Variants in PRR14L observed in about 807,000 individuals in gnomAD.
The protein encoded by PRR14L is protein PRR14L.
In PRR14L, 80 loss-of-function variants were observed where a neutral mutation model predicts 155.0. The ratio of observed to expected loss-of-function variants is 0.52; its 90% CI spans 0.43 to 0.62. PRR14L has a LOEUF of 0.62. PRR14L is among the 20% of genes least tolerant of loss of function. PRR14L has a pLI of 0.00. For missense variants in PRR14L, 2,469 were observed against 2,548.0 expected, an observed-to-expected ratio of 0.97 and a Z score of 0.67; for synonymous variants, 883 against 916.0, an observed-to-expected ratio of 0.96 and a Z score of 0.65.
intron 1 of PRR14L, among the ~76,000 whole-genome samples, 166 bp from the exon 2 acceptor site, chr22:31,739,077 C>T (rs2074798597): frequency 6.6e-6 from 1 of 152,194 alleles, no homozygotes; most frequent in Admixed American, 6.5e-5. Flanking sequence ...AAAATAAATA[C>T]CTTAACCTTT....
chr22:31,688,121 T>C (rs2074491723), intron 8 of PRR14L, 35 bp downstream of exon 8: 4 of 1,578,372 alleles, frequency 2.5e-6, no homozygotes, highest in Non-Finnish European at 3.5e-6. Flanking sequence ...TCATTTCAAA[T>C]TCTTCCCTTT....
In PRR14L at chr22:31,703,715, C is replaced by T; in HGVS notation, c.5835G>A (p.Glu1945=). The T allele has an allele frequency of 1.3e-6, 2 of 1,584,852 alleles. No homozygotes were observed. Among genetic ancestry groups the T allele is most frequent in the East Asian group, 2.3e-5 (1 of 43,914 alleles). The change falls in exon 6 of 9, where the codon GAG becomes GAA. Residue 1945 remains glutamate (E), a synonymous_variant. Transcript: ENST00000327423. ...TTGGTACCAAGGCAGGGAATGGAGG[C>T]TCCAGCCTAGCACCATGAAGAGAAA... ...YNTSGSQTRL[E]PPFPALVPKS...
intron 7 of PRR14L, among the ~76,000 whole-genome samples, chr22:31,697,456 AAG>A: frequency 6.6e-6 from 1 of 152,200 alleles, no homozygotes; most frequent in South Asian, 2.1e-4. Context: ...TTACTTAGGA[AAG>A]AGAGCTTCAA....
At position 31,738,450 on chromosome 22, in the gene PRR14L, C is replaced by T. The variant is rs1190113548; in HGVS notation, c.411G>A (p.Glu137=). The T allele has an allele frequency of 6.4e-7, 1 of 1,552,232 alleles. No individual in the cohort carries two copies. Among genetic ancestry groups the T allele is most frequent in the African/African-American group, 1.4e-5 (1 of 73,046 alleles). The change falls in exon 2 of 9, where the codon GAG becomes GAA. Residue 137 remains glutamate, a synonymous_variant. Transcript: ENST00000327423. The part of the protein sequence containing the change: ...GQAGIIREPS[E]GAKEDPHQHS... ...GTTGATGTGGATCTTCCTTTGCTCC[C>T]TCAGAGGGTTCTCTTATAATTCCTG...
intron 2 of PRR14L, among the ~76,000 whole-genome samples, chr22:31,737,616 T>C (rs1355171038): frequency 6.6e-6 from 1 of 150,804 alleles, no homozygotes; most frequent in African/African-American, 2.4e-5. Flanking sequence ...ACTAAGACCC[T>C]GCCTCTATTA....
intron 3 of PRR14L, among the ~76,000 whole-genome samples, chr22:31,723,213 G>A (rs1393589965): frequency 1.3e-5 from 2 of 151,952 alleles, no homozygotes; most frequent in Non-Finnish European, 2.9e-5. Context: ...TGGGTTTGGG[G>A]GAGAAAAAAA....
chr22:31,712,907 A>T lies in PRR14L; in HGVS notation c.4932T>A (p.Leu1644=), dbSNP rs1366358833. 3.9e-6 allele frequency: 6 copies of T among 1,551,752 alleles called. No individual in the cohort carries two copies. Among genetic ancestry groups the T allele is most frequent in the Admixed American group, 3.9e-5 (2 of 50,984 alleles). ...GCTTGTAGCTTTTAGCCATTGGAAG[A>T]AGTTCAGAGGAACACCGTCGGTATC... ...KLRYRRCSSE[L]LPMAKSYKRL... The change falls in exon 4 of 9, where the codon CTT becomes CTA. Residue 1644 remains leucine (L), a synonymous_variant. Coordinates refer to ENST00000327423, the MANE Select transcript of PRR14L (RefSeq NM_173566.3).
rs966977685 is a variant in PRR14L, at chr22:31,749,986, C to T, written c.-52+7G>A. On this transcript the variant is annotated splice_region_variant and intron_variant, in intron 1 of 8. Transcript: ENST00000327423. ...ACGCCCGAAGCCTTCCAGTCCCGGC[C>T]TCTTACCCTGAGACCTCCTCCGCGG... The T allele has an allele frequency of 6.5e-5, 10 of 153,574 alleles. No individual in the cohort carries two copies. Among genetic ancestry groups the T allele is most frequent in the Non-Finnish European group, 7.2e-5 (5 of 69,088 alleles). The allele number at this position is 153,574 out of a possible 1,614,324, so 9.5% of individuals were successfully genotyped here.
chr22:31,702,710 T>A (rs2074568787), intron 6 of PRR14L, among the ~76,000 whole-genome samples: 1 of 152,082 alleles, frequency 6.6e-6, no homozygotes. Flanking sequence ...GAGATGGGGT[T>A]TCACCATACT....
At chr22:31,719,453 C>G (rs988594012) in intron 3 of PRR14L, among the ~76,000 whole-genome samples, 2 of 151,822 alleles carry the variant, frequency 1.3e-5, no homozygotes, top group African/African-American at 4.8e-5. Flanking sequence ...AATCTAAAAT[C>G]TAATTCTTAC....
chr22:31,700,313 C>G, intron 7 of PRR14L, among the ~76,000 whole-genome samples: 1 of 152,240 alleles, frequency 6.6e-6, no homozygotes, highest in East Asian at 1.9e-4. Flanking sequence ...ATAATGAATC[C>G]TATTTCATTC....
rs112600429 is a variant in PRR14L, at chr22:31,724,215, G to A, written c.547+1323C>T. Among the ~76,000 whole-genome samples the A allele has an allele frequency of 8.7e-3, 1,326 of 152,250 alleles. 18 individuals carry two copies. The highest frequency in any genetic ancestry group is 0.029 in the African/African-American group (1,212 of 41,546). On this transcript the variant is annotated intron_variant, in intron 3 of 8. Coordinates refer to ENST00000327423, the MANE Select transcript of PRR14L (RefSeq NM_173566.3). ...CACTGATTCTACATTATGGGAAGTT[G>A]TATAATTATTTCATTATATATTACA...
At chr22:31,733,211 A>C (rs2074759688) in intron 2 of PRR14L, among the ~76,000 whole-genome samples, 1 of 149,922 alleles carries the variant, frequency 6.7e-6, no homozygotes, top group Non-Finnish European at 1.5e-5. Flanking sequence ...CTGGTCTCGA[A>C]CTCCTGACCT....
intron 2 of PRR14L, among the ~76,000 whole-genome samples, chr22:31,733,151 T>C (rs949268497): frequency 1.3e-5 from 2 of 151,904 alleles, no homozygotes; most frequent in Non-Finnish European, 2.9e-5. Flanking sequence ...CACGCCCGGC[T>C]AATTTTTTGT....
In PRR14L at chr22:31,702,220, TTTA is replaced by T. The variant is rs760477361; in HGVS notation, c.6001-461_6001-459del. On this transcript the variant is annotated intron_variant, in intron 6 of 8. Transcript: ENST00000327423. ...AGCTCCCACTTCTATTCCTGCTTTT[TTTA>T]TTATTTATTTATTTTTTTGATAGAG... is the stretch of plus-strand genomic sequence containing the variant. Among the ~76,000 whole-genome samples, 3 of 151,568 alleles carry T rather than the reference TTTA, an allele frequency of 2.0e-5. No individual in the cohort carries two copies. In the East Asian group the frequency reaches 5.8e-4, roughly 29 times the overall value.
intron 7 of PRR14L, among the ~76,000 whole-genome samples, chr22:31,688,687 C>T (rs1405549211): frequency 6.6e-6 from 1 of 152,114 alleles, no homozygotes; most frequent in Non-Finnish European, 1.5e-5. Flanking sequence ...TTTATATCTA[C>T]TTTACAGCTG....
In PRR14L at chr22:31,714,007, T is replaced by C; in HGVS notation, c.3832A>G (p.Thr1278Ala). The change falls in exon 4 of 9, where the codon ACA becomes GCA. Residue 1278 changes from threonine (T) to alanine (A), a missense_variant. By Grantham distance (58) the Thr-to-Ala change is moderately conservative. This residue lies in a region of PRR14L where 2,363 missense variants were observed against 2,371.6 expected (regional missense o/e 1.00). Coordinates refer to ENST00000327423, the MANE Select transcript of PRR14L (RefSeq NM_173566.3). Reference sequence around the variant, plus strand: ...ATTTCCTTCATCTCAGGAAGGACTGTGCAGTCCTTTACATTTTCACAAAGC... The same window carrying C: ...ATTTCCTTCATCTCAGGAAGGACTGCGCAGTCCTTTACATTTTCACAAAGC... The part of the protein sequence containing the change: ...EMLCENVKDC[T>A]VLPEMKEIVS... 2 of 1,550,984 alleles carry C rather than the reference T, an allele frequency of 1.3e-6. No homozygotes were observed. The highest frequency in any genetic ancestry group is 2.4e-5 in the South Asian group (2 of 83,986).
intron 1 of PRR14L, 81 bp from the exon 2 acceptor site, chr22:31,738,992 A>G (rs2074798046): frequency 4.9e-6 from 3 of 609,702 alleles, no homozygotes; most frequent in African/African-American, 1.8e-5. Context: ...AACCGGCTAC[A>G]ACGAAGAAAA....
At position 31,681,863 on chromosome 22, in the gene PRR14L, T is replaced by C. The variant is rs1421085243; in HGVS notation, c.*3664A>G. ...AAGGATACTCTGCACTTCTGGCCAA[T>C]TATTTAAACTTTGGATACAGCCACC... On this transcript the variant is annotated 3_prime_UTR_variant, in exon 9 of 9. Transcript: ENST00000327423. 1.3e-5 allele frequency: 2 copies of C among 152,168 alleles called. No individual in the cohort carries two copies. Among genetic ancestry groups the C allele is most frequent in the Non-Finnish European group, 2.9e-5 (2 of 68,028 alleles). 9.4% of individuals were successfully genotyped at this position (152,168 alleles called of 1,614,324 possible). A position where few individuals can be genotyped will look rare whatever the true frequency, so the allele number is the denominator to read the frequency against.
Sources: allele counts gnomAD v4.1 joint callset (sites outside exome capture counted in the v4.1 genomes callset), GRCh38; gene constraint gnomAD v4.1.1; regional missense constraint gnomAD v4.1.1; transcripts MANE v1.5; gene names NCBI Gene and HGNC (gene_info 2026-07-23, HGNC 2026-07-21).